GALNT14: variants seen among roughly 807,000 people sequenced by gnomAD.
GALNT14 encodes the protein polypeptide N-acetylgalactosaminyltransferase 14.
Under a neutral mutation model 77.5 loss-of-function variants are expected in GALNT14, and 60 were observed. That is an observed-to-expected ratio of 0.77 (90% CI 0.63 to 0.96). GALNT14 has a LOEUF of 0.96. GALNT14 is among the 40% of genes least tolerant of loss of function. GALNT14 has a pLI of 0.00. For synonymous variants in GALNT14, 280 were observed against 281.7 expected, an observed-to-expected ratio of 0.99 and a Z score of 0.06; for missense variants, 710 against 731.0, an observed-to-expected ratio of 0.97 and a Z score of 0.33.
intron 2 of GALNT14, among the ~76,000 whole-genome samples, chr2:30,990,898 C>T (rs1437074086): frequency 2.0e-5 from 3 of 152,166 alleles, no homozygotes; most frequent in Non-Finnish European, 4.4e-5. Flanking sequence ...TCCTCTCTTC[C>T]CTTCTTGCTG....
intron 3 of GALNT14, among the ~76,000 whole-genome samples, chr2:30,962,978 C>T (rs1448481701): frequency 6.6e-6 from 1 of 152,146 alleles, no homozygotes; most frequent in Non-Finnish European, 1.5e-5. Flanking sequence ...CCTGCCTCCA[C>T]CCCTAACATT....
At chr2:30,911,677 G>A (rs576584666) in intron 14 of GALNT14, among the ~76,000 whole-genome samples, 1 of 152,326 alleles carries the variant, frequency 6.6e-6, no homozygotes, top group South Asian at 2.1e-4. Context: ...GACATCCAGA[G>A]AGGTCCAATA....
At chr2:31,067,503 C>T (rs1675057532) in intron 1 of GALNT14, among the ~76,000 whole-genome samples, 1 of 152,074 alleles carries the variant, frequency 6.6e-6, no homozygotes, top group Admixed American at 6.6e-5. Flanking sequence ...GCAGAGGGTG[C>T]ACTCACTCAG....
chr2:30,924,786 A>T lies in GALNT14; in HGVS notation c.1189T>A (p.Cys397Ser). The stretch of plus-strand genomic sequence containing the variant: ...TCCAGGTACCACTTGAAGCTCTGGC[A>T]GCGCAGATTCTTCCTCAGGTCCAAT... ...SRLDLRKNLR[C>S]QSFKWYLENI... Residue 397 changes from cysteine to serine, a missense_variant, in exon 12 of 15, where the codon TGC (cysteine) becomes AGC (serine). Transcript: ENST00000349752. The T allele has an allele frequency of 6.2e-7, 1 of 1,614,132 alleles. No homozygotes were observed. Among genetic ancestry groups the T allele is most frequent in the Non-Finnish European group, 8.5e-7 (1 of 1,180,022 alleles).
the GALNT14 span, among the ~76,000 whole-genome samples, chr2:30,896,042 A>T: frequency 6.6e-6 from 1 of 151,674 alleles, no homozygotes; most frequent in East Asian, 2.0e-4. Flanking sequence ...CTGAGGCTCA[A>T]CTTCCTCATC....
intron 2 of GALNT14, among the ~76,000 whole-genome samples, chr2:30,984,747 A>T (rs967889624): frequency 6.6e-6 from 1 of 152,114 alleles, no homozygotes; most frequent in African/African-American, 2.4e-5. Context: ...AGCCCACGCC[A>T]TCTCCTTCAA....
At chr2:30,984,992 T>C (rs1221966905) in intron 2 of GALNT14, among the ~76,000 whole-genome samples, 1 of 152,096 alleles carries the variant, frequency 6.6e-6, no homozygotes, top group Non-Finnish European at 1.5e-5. Flanking sequence ...CAATCCACAT[T>C]TGAGCATCAG....
intron 1 of GALNT14, among the ~76,000 whole-genome samples, chr2:31,101,140 T>C (rs1271405955): frequency 6.6e-6 from 1 of 152,100 alleles, no homozygotes; most frequent in African/African-American, 2.4e-5. Flanking sequence ...AATTTTAAAA[T>C]GATCATTGAA....
At chr2:30,916,071 G>A (rs1664661303) in intron 13 of GALNT14, among the ~76,000 whole-genome samples, 1 of 152,172 alleles carries the variant, frequency 6.6e-6, no homozygotes, top group Admixed American at 6.5e-5. Flanking sequence ...TTTAGCAGGA[G>A]ACAAGATAAG....
chr2:30,958,865 A>G (rs558727988), intron 3 of GALNT14, among the ~76,000 whole-genome samples: 41 of 152,300 alleles, frequency 2.7e-4, no homozygotes, highest in South Asian at 6.2e-4. Context: ...CTCCCAGGCC[A>G]TCTTGCTCGT....
chr2:31,093,598 C>T (rs184499967), intron 1 of GALNT14, among the ~76,000 whole-genome samples: 100 of 152,320 alleles, frequency 6.6e-4, no homozygotes, highest in African/African-American at 2.3e-3. Context: ...TTGCACACAT[C>T]GCACTTGCTT....
At chr2:30,888,231 T>C in the GALNT14 span, among the ~76,000 whole-genome samples, 1 of 152,230 alleles carries the variant, frequency 6.6e-6, no homozygotes, top group Non-Finnish European at 1.5e-5. Flanking sequence ...AGCTTGCTGC[T>C]GCACCAGGCC....
intron 2 of GALNT14, among the ~76,000 whole-genome samples, chr2:30,981,471 C>G (rs1460057718): frequency 6.6e-6 from 1 of 152,150 alleles, no homozygotes; most frequent in African/African-American, 2.4e-5. Context: ...GTCAAATCAG[C>G]CTACATGTGC....
chr2:30,989,611 A>T (rs6709686), intron 2 of GALNT14, among the ~76,000 whole-genome samples: 2,573 of 115,568 alleles, frequency 0.022, 65 homozygotes, highest in South Asian at 0.03. Flanking sequence ...GATATATAAA[A>T]ATATATATTA....
chr2:30,955,518 C>T, intron 6 of GALNT14, 100 bp downstream of exon 6: 1 of 1,489,892 alleles, frequency 6.7e-7, no homozygotes, highest in Non-Finnish European at 9.0e-7. Context: ...GCCCACCTCC[C>T]AGAAGAACTG....
At chr2:31,011,346 T>C (rs1193240004) in intron 1 of GALNT14, among the ~76,000 whole-genome samples, 2 of 152,204 alleles carry the variant, frequency 1.3e-5, no homozygotes, top group Non-Finnish European at 2.9e-5. Flanking sequence ...TGTATGTCCA[T>C]GGGGCAGTAA....
chr2:30,966,254 G>C lies in GALNT14; in HGVS notation c.348C>G (p.Ile116Met). Reference protein sequence around the residue: ...YCTDLPPTSIIITFHNEARST... With the variant: ...YCTDLPPTSIMITFHNEARST... ...AGCGGGCCTCGTTGTGGAAGGTGAT[G>C]ATGATGCTAGTGGGTGGAAGGTCCG... The change falls in exon 3 of 15, where the codon ATC becomes ATG. Residue 116 changes from isoleucine to methionine, a missense_variant. By Grantham distance (10) the Ile-to-Met change is conservative (BLOSUM62 1). Coordinates refer to ENST00000349752, the MANE Select transcript of GALNT14 (RefSeq NM_024572.4). 1 of 1,614,062 alleles carries C rather than the reference G, an allele frequency of 6.2e-7. No individual in the cohort carries two copies. The highest frequency in any genetic ancestry group is 2.2e-5 in the East Asian group (1 of 44,856).
intron 1 of GALNT14, among the ~76,000 whole-genome samples, chr2:31,005,525 T>C (rs1670620124): frequency 6.6e-6 from 1 of 152,244 alleles, no homozygotes; most frequent in South Asian, 2.1e-4. Context: ...ACATAATGCA[T>C]ACACAACATA....
At chr2:30,915,814 A>G (rs1342766798) in intron 13 of GALNT14, among the ~76,000 whole-genome samples, 1 of 152,150 alleles carries the variant, frequency 6.6e-6, no homozygotes, top group African/African-American at 2.4e-5. Flanking sequence ...GCCCTGACTG[A>G]GTGGGTAAGT....
Sources: allele counts gnomAD v4.1 joint callset (sites outside exome capture counted in the v4.1 genomes callset), GRCh38; gene constraint gnomAD v4.1.1; transcripts MANE v1.5; gene names NCBI Gene and HGNC (gene_info 2026-07-23, HGNC 2026-07-21).